Variants in MIA2 observed in about 807,000 individuals in gnomAD.
The protein encoded by MIA2 is melanoma inhibitory activity protein 2.
MIA2 carries 127 observed loss-of-function variants against 167.8 expected under a neutral mutation model. That is an observed-to-expected ratio of 0.76 (90% CI 0.66 to 0.88). The LOEUF (loss-of-function observed/expected upper bound fraction) is 0.88. Ranked by LOEUF, MIA2 falls within the 40% of genes least tolerant of loss-of-function variation. The probability of loss-of-function intolerance (pLI) is 0.00; values close to 1 mark genes in which losing one functional copy is unlikely to be tolerated. For missense variants in MIA2, 1,690 were observed against 1,624.7 expected, an observed-to-expected ratio of 1.04 and a Z score of -0.69; for synonymous variants, 552 against 541.9, an observed-to-expected ratio of 1.02 and a Z score of -0.26.
intron 3 of MIA2, among the ~76,000 whole-genome samples, chr14:39,246,153 T>C (rs1057285364): frequency 7.9e-5 from 12 of 151,484 alleles, no homozygotes; most frequent in African/African-American, 2.4e-4. Flanking sequence ...CTGAAATGCA[T>C]TGGTGCGATC....
At position 39,304,339 on chromosome 14, in the gene MIA2, A is replaced by G. The variant is rs758864132; in HGVS notation, c.2836A>G (p.Ile946Val). The G allele has an allele frequency of 4.6e-5, 73 of 1,577,482 alleles. No individual in the cohort carries two copies. The highest frequency in any genetic ancestry group is 5.9e-5 in the Non-Finnish European group (69 of 1,161,200). ...TLEGERNQIY[I>V]QLSEVDKTKE... is the part of the protein sequence containing the mutation. ...AGAAGGAGAAAGAAACCAAATTTAT[A>G]TTCAGTTGTCTGAAGTTGATAAAAC... Residue 946 changes from isoleucine to valine, a missense_variant, in exon 17 of 29, where the codon ATT (isoleucine) becomes GTT (valine). By Grantham distance (29) the Ile-to-Val change is conservative (BLOSUM62 3). Transcript: ENST00000640607.
At chr14:39,276,892 C>CA in intron 6 of MIA2, 42 bp from the exon 7 acceptor site, 1 of 1,598,352 alleles carries the variant, frequency 6.3e-7, no homozygotes. Context: ...ATATTTTTAC[C>CA]AAAAGTACAT....
intron 13 of MIA2, among the ~76,000 whole-genome samples, 172 bp from the exon 14 acceptor site, chr14:39,299,692 T>A (rs2062086300): frequency 6.6e-6 from 1 of 152,164 alleles, no homozygotes; most frequent in Non-Finnish European, 1.5e-5. Context: ...TATAAATATA[T>A]GATATAAACT....
intron 23 of MIA2, among the ~76,000 whole-genome samples, chr14:39,359,042 A>G (rs1031280602): frequency 1.3e-5 from 2 of 152,220 alleles, no homozygotes; most frequent in Non-Finnish European, 2.9e-5. Context: ...TCAGATCTCA[A>G]GCTGCATGCT....
At chr14:39,359,566 C>T (rs1426006283) in intron 23 of MIA2, among the ~76,000 whole-genome samples, 3 of 152,170 alleles carry the variant, frequency 2.0e-5, no homozygotes, top group African/African-American at 7.2e-5. Flanking sequence ...GTTCTGCACC[C>T]ACTGTCCGAC....
rs1386378809 is a variant in MIA2 at position 39,288,453 on chromosome 14, ATATATATATATATATATATATAT to A, written c.2131-2564_2131-2542del. Among the ~76,000 whole-genome samples the A allele has an allele frequency of 1.4e-3, 19 of 13,796 alleles. 2 individuals carry two copies. The highest frequency in any genetic ancestry group is 4.1e-3 in the South Asian group (1 of 246). 9.1% of individuals were successfully genotyped at this position (13,796 alleles called of 152,430 possible). Reference sequence around the variant, plus strand: ...TATACATATATATATATATATATATATATATATATATATATATATATATTTTTTTTTTTTTTTTTGAGACGGAG... The same window carrying A: ...TATACATATATATATATATATATATATTTTTTTTTTTTTTTTGAGACGGAG... On this transcript the variant is annotated intron_variant, in intron 9 of 28. Transcript: ENST00000640607.
At chr14:39,347,978 A>G (rs558506820) in intron 27 of MIA2, among the ~76,000 whole-genome samples, 14 of 152,050 alleles carry the variant, frequency 9.2e-5, no homozygotes, top group Admixed American at 2.6e-4. Context: ...ACACCCAGCT[A>G]ATTTTTGTAT....
intron 25 of MIA2, among the ~76,000 whole-genome samples, chr14:39,328,792 T>A (rs878959002): frequency 1.3e-5 from 2 of 152,214 alleles, no homozygotes; most frequent in Non-Finnish European, 2.9e-5. Flanking sequence ...GTTGTGTTAT[T>A]TCTGAGGCCT....
intron 25 of MIA2, among the ~76,000 whole-genome samples, chr14:39,329,362 A>AGAT (rs551965106): frequency 1.0e-3 from 153 of 152,328 alleles, no homozygotes; most frequent in African/African-American, 3.5e-3. Flanking sequence ...GTTTGGGCTG[A>AGAT]GATGATGGGG....
At chr14:39,326,578 C>A (rs1241447200) in intron 24 of MIA2, among the ~76,000 whole-genome samples, 7 of 150,548 alleles carry the variant, frequency 4.6e-5, no homozygotes, top group Non-Finnish European at 1.5e-5. Flanking sequence ...GTTTAAGCAA[C>A]AAAATCATTT....
intron 23 of MIA2, chr14:39,370,400 A>G: frequency 4.2e-6 from 1 of 236,814 alleles, no homozygotes; most frequent in Admixed American, 4.1e-5. Flanking sequence ...CATCTGCAGA[A>G]GAATGTTACA....
At chr14:39,377,957 T>C (rs2075075948) in intron 23 of MIA2, among the ~76,000 whole-genome samples, 2 of 152,192 alleles carry the variant, frequency 1.3e-5, no homozygotes, top group Non-Finnish European at 2.9e-5. Context: ...TGACATTCTT[T>C]ACTTACCACA....
chr14:39,272,449 G>A (rs189169012), intron 6 of MIA2, among the ~76,000 whole-genome samples: 5 of 152,166 alleles, frequency 3.3e-5, no homozygotes, highest in Admixed American at 2.6e-4. Flanking sequence ...AAACAAGAAG[G>A]CAAGTTCTCA....
intron 6 of MIA2, 114 bp from the exon 7 acceptor site, chr14:39,276,820 G>C: frequency 9.4e-7 from 1 of 1,062,580 alleles, no homozygotes; most frequent in Non-Finnish European, 1.4e-6. Context: ...CTTTCTGTTT[G>C]GTGTTAGTCT....
At chr14:39,281,640 C>T (rs1460142737) in intron 9 of MIA2, among the ~76,000 whole-genome samples, 2 of 140,416 alleles carry the variant, frequency 1.4e-5, no homozygotes, top group Non-Finnish European at 3.0e-5. Context: ...TTTTTGGAGA[C>T]GGAGTTTCCC....
intron 2 of MIA2, among the ~76,000 whole-genome samples, chr14:39,238,797 A>AAAAAAAAAAAAC: frequency 6.9e-6 from 1 of 144,130 alleles, no homozygotes; most frequent in South Asian, 2.2e-4. Context: ...CTGTCTCAAA[A>AAAAAAAAAAAAC]AAAAAAAAAA....
intron 6 of MIA2, among the ~76,000 whole-genome samples, chr14:39,275,535 C>T (rs962741894): frequency 3.9e-5 from 6 of 152,136 alleles, no homozygotes; most frequent in South Asian, 2.1e-4. Context: ...AAGGTAATTA[C>T]GTGTTTGATC....
chr14:39,377,761 CT>C (rs35116122), intron 23 of MIA2, among the ~76,000 whole-genome samples: 38 of 148,102 alleles, frequency 2.6e-4, no homozygotes, highest in South Asian at 1.3e-3. Context: ...GGCTCTCTCC[CT>C]TTTTTTTTTT....
At chr14:39,298,603 T>G (rs1178888035) in intron 13 of MIA2, among the ~76,000 whole-genome samples, 2 of 130,978 alleles carry the variant, frequency 1.5e-5, no homozygotes, top group African/African-American at 5.7e-5. Flanking sequence ...GCGGGCTGAG[T>G]CCGAAAAGAG....
Sources: allele counts gnomAD v4.1 joint callset (sites outside exome capture counted in the v4.1 genomes callset), GRCh38; gene constraint gnomAD v4.1.1; transcripts MANE v1.5; gene names NCBI Gene and HGNC (gene_info 2026-07-23, HGNC 2026-07-21).